The following TUT4 variants were observed in gnomAD, a reference collection of about 807,000 sequenced individuals.
TUT4 encodes terminal uridylyltransferase 4.
Under a neutral mutation model 192.2 loss-of-function variants are expected in TUT4, and 36 were observed. The observed-to-expected ratio is 0.19, with a 90% CI of 0.14 to 0.25. TUT4 has a LOEUF of 0.25. Among genes scored for constraint, TUT4 ranks in the 10% least tolerant of loss-of-function variants. The pLI is 1.00. For synonymous variants in TUT4, 618 were observed against 666.0 expected (o/e 0.93, Z 1.11); for missense variants, 1,493 against 1,957.2 (o/e 0.76, Z 4.47).
chr1:52,424,873 C>T (rs2148004132), intron 29 of TUT4: 1 of 153,292 alleles, frequency 6.5e-6, no homozygotes, highest in Non-Finnish European at 1.5e-5. Flanking sequence ...TTATCACCAT[C>T]TTTCCCATAT....
chr1:52,458,306 A>T (rs1314659101), intron 20 of TUT4, 30 bp downstream of exon 20: 1 of 1,555,592 alleles, frequency 6.4e-7, no homozygotes, highest in South Asian at 1.2e-5. Flanking sequence ...TTTCAAAAAA[A>T]ACTCCTTTAT....
At chr1:52,545,649 T>C (rs537649524) in intron 1 of TUT4, among the ~76,000 whole-genome samples, 112 of 151,984 alleles carry the variant, frequency 7.4e-4, no homozygotes, top group Admixed American at 3.1e-3. Context: ...TCACAACCCA[T>C]AGGACAGGAC....
chr1:52,460,564 T>C (rs969802340), intron 19 of TUT4, among the ~76,000 whole-genome samples: 4 of 151,986 alleles, frequency 2.6e-5, no homozygotes, highest in Admixed American at 1.3e-4. Flanking sequence ...TGACCAACTT[T>C]CTCCCCTACT....
chr1:52,538,160 C>T (rs961369442), intron 1 of TUT4, among the ~76,000 whole-genome samples: 2 of 152,126 alleles, frequency 1.3e-5, no homozygotes, highest in African/African-American at 2.4e-5. Flanking sequence ...CGCTTGAATC[C>T]AGGAGGTGGA....
At chr1:52,549,812 A>C (rs886635088) in intron 1 of TUT4, among the ~76,000 whole-genome samples, 1 of 152,188 alleles carries the variant, frequency 6.6e-6, no homozygotes, top group Non-Finnish European at 1.5e-5. Context: ...AAAAATGCAT[A>C]AACAGTGTCT....
At chr1:52,539,421 G>T (rs1685877701) in intron 1 of TUT4, among the ~76,000 whole-genome samples, 1 of 152,142 alleles carries the variant, frequency 6.6e-6, no homozygotes. Context: ...AATATAGCCA[G>T]CAGGACACCA....
intron 1 of TUT4, among the ~76,000 whole-genome samples, chr1:52,530,677 A>G (rs1400902950): frequency 1.3e-5 from 2 of 152,150 alleles, no homozygotes; most frequent in Non-Finnish European, 2.9e-5. Flanking sequence ...AATTCCTAGA[A>G]ACGAAGTTCT....
At chr1:52,461,298 A>AT in intron 18 of TUT4, 75 bp from the exon 19 acceptor site, 3 of 1,370,512 alleles carry the variant, frequency 2.2e-6, no homozygotes, top group Non-Finnish European at 2.0e-6. Context: ...TAAAAGTAAA[A>AT]TACACTCCAA....
chr1:52,533,910 G>T (rs1314335082), intron 1 of TUT4, among the ~76,000 whole-genome samples: 1 of 152,194 alleles, frequency 6.6e-6, no homozygotes, highest in African/African-American at 2.4e-5. Context: ...AGATTGCAGT[G>T]AGCTGAGATT....
chr1:52,496,927 T>G (rs1672593020), intron 5 of TUT4, 79 bp downstream of exon 5: 5 of 1,341,298 alleles, frequency 3.7e-6, no homozygotes, highest in Non-Finnish European at 5.1e-6. Context: ...AGAAAAACAT[T>G]AAGAAATGTA....
In TUT4 at chr1:52,477,838, C is replaced by T; in HGVS notation, c.1893G>A (p.Gln631=). Residue 631 remains glutamine (Q), a synonymous_variant, in exon 12 of 30, where the codon CAG becomes CAA. Coordinates refer to ENST00000257177, the MANE Select transcript of TUT4 (RefSeq NM_001009881.3). ...LETPNRVSLG[Q]LWLELLKFYT... ...AGAATTTAAGCAGCTCTAACCATAA[C>T]TGTCCCAAGGATACCCGATTTGGTG... The T allele has an allele frequency of 3.7e-6, 6 of 1,613,838 alleles. No homozygotes were observed. Among genetic ancestry groups the T allele is most frequent in the African/African-American group, 1.3e-5 (1 of 75,004 alleles).
chr1:52,528,043 G>C (rs1024245019), intron 1 of TUT4, among the ~76,000 whole-genome samples: 3 of 151,706 alleles, frequency 2.0e-5, no homozygotes, highest in African/African-American at 4.9e-5. Flanking sequence ...CGGGTACAGT[G>C]GTGGGCGCCT....
chr1:52,544,017 A>G (rs1174822620), intron 1 of TUT4, among the ~76,000 whole-genome samples: 1 of 151,708 alleles, frequency 6.6e-6, no homozygotes, highest in Non-Finnish European at 1.5e-5. Context: ...GGCTGGGCAC[A>G]GTGGCTCATG....
At chr1:52,434,040 T>G (rs1432928847) in intron 27 of TUT4, 1 of 152,232 alleles carries the variant, frequency 6.6e-6, no homozygotes, top group Admixed American at 6.5e-5. Context: ...TTCTGTACTT[T>G]TGAAATATTT....
Position 52,489,013 on chromosome 1 carries a change from C to T in TUT4, c.1411G>A (p.Ala471Thr), listed in dbSNP as rs1281291608. Residue 471 changes from alanine (A) to threonine (T), a missense_variant, in exon 9 of 30, where the codon GCA (alanine) becomes ACA (threonine). By Grantham distance (58) the Ala-to-Thr change is moderately conservative (BLOSUM62 0). Transcript: ENST00000257177. Reference sequence around the variant, plus strand: ...GTGAGACATGCCATATCGTTTCCTGCACTCACTCTACAAAGTAAACCACTG... The same window carrying T: ...GTGAGACATGCCATATCGTTTCCTGTACTCACTCTACAAAGTAAACCACTG... ...RKSGLLCRVS[A>T]GNDMACLTTD... The T allele has an allele frequency of 6.2e-7, 1 of 1,612,996 alleles. No homozygotes were observed. Among genetic ancestry groups the T allele is most frequent in the East Asian group, 2.2e-5 (1 of 44,806 alleles).
At chr1:52,479,444 G>T (rs561867265) in intron 11 of TUT4, among the ~76,000 whole-genome samples, 1 of 152,168 alleles carries the variant, frequency 6.6e-6, no homozygotes, top group African/African-American at 2.4e-5. Context: ...GACCAGGAAG[G>T]TAACAGTGGA....
chr1:52,519,965 G>A (rs977569934), intron 2 of TUT4, among the ~76,000 whole-genome samples: 2 of 152,132 alleles, frequency 1.3e-5, no homozygotes, highest in African/African-American at 4.8e-5. Context: ...GTTGAAGTGA[G>A]CTGAGATCAC....
intron 24 of TUT4, among the ~76,000 whole-genome samples, chr1:52,442,824 C>T (rs750004438): frequency 6.6e-6 from 1 of 152,196 alleles, no homozygotes. Flanking sequence ...GATTAGCAGA[C>T]TCATGGGCCC....
chr1:52,448,531 A>G (rs2148490802), intron 20 of TUT4, among the ~76,000 whole-genome samples: 2 of 145,704 alleles, frequency 1.4e-5, no homozygotes, highest in Admixed American at 1.4e-4. Context: ...TGAGGTTGCA[A>G]TGAGCTGAGA....
Sources: gnomAD v4.1 joint callset for allele counts (sites outside exome capture counted in the v4.1 genomes callset) on GRCh38, gnomAD v4.1.1 for gene constraint, MANE v1.5 for transcripts, NCBI Gene and HGNC (gene_info 2026-07-23, HGNC 2026-07-21) for gene names.